ADD2: variants seen among roughly 807,000 people sequenced by gnomAD.
ADD2 encodes beta-adducin.
Under a neutral mutation model 83.0 loss-of-function variants are expected in ADD2, and 23 were observed. The observed-to-expected ratio is 0.28, with a 90% CI of 0.20 to 0.39. ADD2 has a LOEUF of 0.39. ADD2 is among the 10% of genes least tolerant of loss of function. The pLI is 1.00. For synonymous variants in ADD2, 375 were observed against 375.4 expected (o/e 1.00, Z 0.01); for missense variants, 758 against 944.9 (o/e 0.80, Z 2.59).
chr2:70,711,794 C>T (rs1672191577), intron 2 of ADD2, among the ~76,000 whole-genome samples: 1 of 152,110 alleles, frequency 6.6e-6, no homozygotes, highest in South Asian at 2.1e-4. Flanking sequence ...ACCATACTTT[C>T]GGTGAGTTCT....
intron 1 of ADD2, among the ~76,000 whole-genome samples, chr2:70,760,970 A>T (rs1675054528): frequency 6.6e-6 from 1 of 152,202 alleles, no homozygotes; most frequent in African/African-American, 2.4e-5. Flanking sequence ...AAGATGAAGA[A>T]GTGTATGCCC....
chr2:70,745,819 G>T (rs969299494), intron 1 of ADD2, among the ~76,000 whole-genome samples: 1 of 152,192 alleles, frequency 6.6e-6, no homozygotes, highest in African/African-American at 2.4e-5. Context: ...AAAAGACCCT[G>T]CAGAGAGGAG....
intron 13 of ADD2, chr2:70,675,986 T>C (rs1179964587): frequency 3.0e-6 from 3 of 985,336 alleles, no homozygotes; most frequent in African/African-American, 1.7e-5. Flanking sequence ...GGGAGGTAAG[T>C]GTGATGATAC....
chr2:70,755,896 T>C (rs1454118595), intron 1 of ADD2, among the ~76,000 whole-genome samples: 1 of 151,632 alleles, frequency 6.6e-6, no homozygotes, highest in Non-Finnish European at 1.5e-5. Flanking sequence ...CTGTCTCTAC[T>C]AAAAATACAA....
intron 9 of ADD2, among the ~76,000 whole-genome samples, chr2:70,686,756 C>G (rs536753042): frequency 4.6e-5 from 7 of 152,256 alleles, no homozygotes; most frequent in African/African-American, 1.4e-4. Flanking sequence ...CAGCCGGAGG[C>G]GCTACATCAC....
intron 1 of ADD2, among the ~76,000 whole-genome samples, chr2:70,733,020 T>C (rs1416393006): frequency 6.6e-6 from 1 of 152,250 alleles, no homozygotes; most frequent in African/African-American, 2.4e-5. Context: ...ACAGCCACTC[T>C]TGGCTCATGA....
At chr2:70,730,130 ATGG>A (rs781868253) in intron 1 of ADD2, among the ~76,000 whole-genome samples, 1 of 152,218 alleles carries the variant, frequency 6.6e-6, no homozygotes, top group Non-Finnish European at 1.5e-5. Flanking sequence ...CCATTTGTAA[ATGG>A]TGAAATATAG....
intron 1 of ADD2, among the ~76,000 whole-genome samples, chr2:70,753,756 C>A (rs908529977): frequency 1.3e-5 from 2 of 152,160 alleles, no homozygotes; most frequent in Non-Finnish European, 2.9e-5. Context: ...TGCCTTAGAA[C>A]TGCCAGGTAG....
At chr2:70,739,016 C>T (rs1271844398) in intron 1 of ADD2, among the ~76,000 whole-genome samples, 1 of 152,110 alleles carries the variant, frequency 6.6e-6, no homozygotes, top group East Asian at 1.9e-4. Context: ...AGAGCAATTG[C>T]AACAAAAGCA....
intron 15 of ADD2, among the ~76,000 whole-genome samples, chr2:70,670,329 G>A (rs782613150): frequency 2.0e-5 from 3 of 152,348 alleles, no homozygotes; most frequent in Non-Finnish European, 2.9e-5. Flanking sequence ...GCAGATTCAT[G>A]TTATTCCCAT....
intron 1 of ADD2, among the ~76,000 whole-genome samples, chr2:70,765,225 C>T (rs570598734): frequency 6.7e-6 from 1 of 149,696 alleles, no homozygotes; most frequent in African/African-American, 2.6e-5. Context: ...TGGTGACACG[C>T]ACCTGTAGTC....
At chr2:70,758,939 C>T (rs1343748345) in intron 1 of ADD2, among the ~76,000 whole-genome samples, 1 of 151,980 alleles carries the variant, frequency 6.6e-6, no homozygotes. Flanking sequence ...GCAAAGTAGC[C>T]CAGGCAGAAT....
chr2:70,765,027 C>T (rs2104571835), intron 1 of ADD2, among the ~76,000 whole-genome samples: 1 of 152,046 alleles, frequency 6.6e-6, no homozygotes, highest in South Asian at 2.1e-4. Flanking sequence ...CACTATGTCA[C>T]ATTAGGAAAA....
At chr2:70,740,105 T>C (rs578124499) in intron 1 of ADD2, among the ~76,000 whole-genome samples, 4 of 152,186 alleles carry the variant, frequency 2.6e-5, no homozygotes, top group Admixed American at 1.3e-4. Context: ...CTATGGCTTA[T>C]GATATTTATA....
At chr2:70,725,021 A>T (rs981045904) in intron 1 of ADD2, among the ~76,000 whole-genome samples, 3 of 152,196 alleles carry the variant, frequency 2.0e-5, no homozygotes, top group Non-Finnish European at 4.4e-5. Context: ...GCATTATCCC[A>T]TAAGGGTGAA....
At chr2:70,686,429 C>G (rs1272530707) in intron 9 of ADD2, among the ~76,000 whole-genome samples, 1 of 152,186 alleles carries the variant, frequency 6.6e-6, no homozygotes, top group Non-Finnish European at 1.5e-5. Flanking sequence ...CAGAAGCCCA[C>G]AGCTCTGCCC....
rs188878787 is a variant in ADD2 at position 70,761,961 on chromosome 2, G to A, written c.-154+5925C>T. Among the ~76,000 whole-genome samples, 769 of 151,616 alleles carry A rather than the reference G, an allele frequency of 5.1e-3. 10 individuals are homozygous for A. The highest frequency in any genetic ancestry group is 8.7e-3 in the Non-Finnish European group (589 of 67,960). Reference sequence around the variant, plus strand: ...TGGGATTACAGGCGTGAGCCACCGCGCCTGGCCAACACAACTATATTTTTT... The same window carrying A: ...TGGGATTACAGGCGTGAGCCACCGCACCTGGCCAACACAACTATATTTTTT... On this transcript the variant is annotated intron_variant, in intron 1 of 15. Transcript: ENST00000264436.
At chr2:70,744,249 G>A (rs965873431) in intron 1 of ADD2, among the ~76,000 whole-genome samples, 12 of 152,202 alleles carry the variant, frequency 7.9e-5, no homozygotes, top group African/African-American at 2.9e-4. Context: ...AAGGTTTGTC[G>A]ATGTTAATTG....
intron 2 of ADD2, among the ~76,000 whole-genome samples, chr2:70,710,042 TTC>T (rs1672097586): frequency 6.6e-6 from 1 of 152,234 alleles, no homozygotes; most frequent in Admixed American, 6.5e-5. Flanking sequence ...ACCCCACTCC[TTC>T]TCTGTTTAGT....
Sources: gnomAD v4.1 joint callset for allele counts (sites outside exome capture counted in the v4.1 genomes callset) on GRCh38, gnomAD v4.1.1 for gene constraint, MANE v1.5 for transcripts, NCBI Gene and HGNC (gene_info 2026-07-23, HGNC 2026-07-21) for gene names.